Variants in HADH observed in about 807,000 individuals in gnomAD.
The protein encoded by HADH is hydroxyacyl-CoA dehydrogenase.
In HADH, 24 loss-of-function variants were observed where a neutral mutation model predicts 32.2. That is an observed-to-expected ratio of 0.75 (90% CI 0.54 to 1.05). The LOEUF is 1.05. Ranked by LOEUF, HADH falls within the 50% of genes least tolerant of loss-of-function variation. The pLI is 0.00. For missense variants in HADH, 350 were observed against 397.1 expected (o/e 0.88, Z 1.01); for synonymous variants, 139 against 152.5 (o/e 0.91, Z 0.65).
chr4:107,995,265 GC>G (rs1045824515), intron 1 of HADH, among the ~76,000 whole-genome samples: 9 of 152,116 alleles, frequency 5.9e-5, no homozygotes, highest in Admixed American at 5.2e-4. Context: ...GGAACCTTGG[GC>G]AAATCACTTA....
intron 5 of HADH, chr4:108,024,860 C>T (rs1736007820): frequency 6.6e-6 from 1 of 152,186 alleles, no homozygotes; most frequent in South Asian, 2.1e-4. Flanking sequence ...TCAGAGTGGC[C>T]ACGGCAGCTG....
intron 3 of HADH, among the ~76,000 whole-genome samples, chr4:108,014,985 G>A (rs1028168981): frequency 6.6e-6 from 1 of 152,180 alleles, no homozygotes; most frequent in African/African-American, 2.4e-5. Flanking sequence ...TTATAGCTGA[G>A]TAGTATTCCA....
chr4:108,010,021 TC>T (rs1735435540), intron 2 of HADH, 134 bp downstream of exon 2: 1 of 685,022 alleles, frequency 1.5e-6, no homozygotes, highest in Admixed American at 2.7e-5. Flanking sequence ...AACTCATTTT[TC>T]CATAACTTTA....
At chr4:107,999,208 C>G (rs142971821) in intron 1 of HADH, among the ~76,000 whole-genome samples, 5 of 152,316 alleles carry the variant, frequency 3.3e-5, no homozygotes, top group African/African-American at 7.2e-5. Flanking sequence ...TCTAGCCTTA[C>G]AGCCTCTTGG....
intron 5 of HADH, chr4:108,025,256 G>A (rs1363776208): frequency 1.3e-5 from 2 of 152,204 alleles, no homozygotes; most frequent in East Asian, 3.9e-4. Flanking sequence ...AATGTGCCTG[G>A]AATGTGCCTT....
At chr4:108,032,600 T>G (rs1736309582) in intron 6 of HADH, 1 of 452,860 alleles carries the variant, frequency 2.2e-6, no homozygotes, top group Non-Finnish European at 4.0e-6. Context: ...CCAATGTATT[T>G]GAAAGTAGCT....
intron 1 of HADH, among the ~76,000 whole-genome samples, chr4:108,006,597 C>T (rs963660111): frequency 6.6e-6 from 1 of 152,108 alleles, no homozygotes; most frequent in African/African-American, 2.4e-5. Flanking sequence ...CTCACTGAGC[C>T]CTACCCAGAG....
rs1232568019 is a variant in HADH at position 108,004,774 on chromosome 4, A to G, written c.133-4985A>G. On this transcript the variant is annotated intron_variant, in intron 1 of 7. Coordinates refer to ENST00000309522, the MANE Select transcript of HADH (RefSeq NM_005327.7). ...AGGTCAAAAGAAGCAGCTGAAGAAC[A>G]TGTGTAGGACAGCCTTAGGAGTTAC... 3 of 1,535,926 alleles carry G rather than the reference A, an allele frequency of 2.0e-6. No homozygotes were observed. The East Asian group carries it at 7.3e-5, about 38-fold the overall frequency.
At chr4:108,019,970 G>A (rs1296539530) in intron 4 of HADH, among the ~76,000 whole-genome samples, 1 of 152,220 alleles carries the variant, frequency 6.6e-6, no homozygotes, top group Non-Finnish European at 1.5e-5. Flanking sequence ...GAAACCGTGG[G>A]CTGGATGGGA....
intron 1 of HADH, among the ~76,000 whole-genome samples, chr4:107,990,344 G>A (rs1734742495): frequency 6.6e-6 from 1 of 152,226 alleles, no homozygotes. Context: ...GAGTGGCGGT[G>A]AATGCATTTT....
intron 1 of HADH, among the ~76,000 whole-genome samples, chr4:107,994,477 A>G (rs1211733238): frequency 1.3e-5 from 2 of 152,108 alleles, no homozygotes; most frequent in African/African-American, 2.4e-5. Context: ...GAAAAAGAGA[A>G]TGATCAGAGT....
chr4:108,018,034 A>G (rs1245636572), intron 3 of HADH, among the ~76,000 whole-genome samples: 1 of 152,128 alleles, frequency 6.6e-6, no homozygotes, highest in Non-Finnish European at 1.5e-5. Flanking sequence ...GACTGGTGAT[A>G]CCTGGAACTG....
chr4:107,995,914 G>T (rs115853960), intron 1 of HADH, among the ~76,000 whole-genome samples: 54 of 152,256 alleles, frequency 3.5e-4, no homozygotes, highest in African/African-American at 1.3e-3. Flanking sequence ...CCTGCTGGTC[G>T]TCTACATCAG....
chr4:108,015,034 A>G (rs1735646886), intron 3 of HADH, among the ~76,000 whole-genome samples: 1 of 152,190 alleles, frequency 6.6e-6, no homozygotes, highest in Non-Finnish European at 1.5e-5. Flanking sequence ...TCAGCCATTG[A>G]TGGACACTTA....
chr4:108,031,384 C>T (rs1736256698), intron 6 of HADH: 1 of 152,296 alleles, frequency 6.6e-6, no homozygotes, highest in African/African-American at 2.4e-5. Context: ...GGGAGCATAT[C>T]CCAAGCCTGA....
intron 7 of HADH, among the ~76,000 whole-genome samples, chr4:108,033,593 G>GC (rs1274054301): frequency 6.6e-6 from 1 of 152,120 alleles, no homozygotes; most frequent in Non-Finnish European, 1.5e-5. Context: ...TGGTTATATA[G>GC]CCATAGTACA....
At chr4:108,012,187 G>A (rs1184472009) in intron 2 of HADH, among the ~76,000 whole-genome samples, 2 of 152,002 alleles carry the variant, frequency 1.3e-5, no homozygotes, top group Admixed American at 6.6e-5. Context: ...ATAAGCCACC[G>A]AGTCCTGCTA....
chr4:108,003,835 A>T (rs1474854916), intron 1 of HADH, among the ~76,000 whole-genome samples: 1 of 150,192 alleles, frequency 6.7e-6, no homozygotes, highest in Non-Finnish European at 1.5e-5. Flanking sequence ...AACAAAAAAA[A>T]AACCCGCAAG....
intron 1 of HADH, chr4:108,004,484 T>C (rs1735223142): frequency 2.5e-6 from 1 of 407,840 alleles, no homozygotes; most frequent in Admixed American, 3.6e-5. Context: ...CAAGTTGTGG[T>C]ATACTCCAGT....
Sources: gnomAD v4.1 joint callset for allele counts (sites outside exome capture counted in the v4.1 genomes callset) on GRCh38, gnomAD v4.1.1 for gene constraint, MANE v1.5 for transcripts, NCBI Gene and HGNC (gene_info 2026-07-23, HGNC 2026-07-21) for gene names.